Variants in TMEM132D observed in about 807,000 individuals in gnomAD.
TMEM132D encodes the protein transmembrane protein 132D, also known as mature OL transmembrane protein.
In TMEM132D, 21 loss-of-function variants were observed where a neutral mutation model predicts 62.3. That is an observed-to-expected ratio of 0.34 (90% CI 0.24 to 0.49). The LOEUF (loss-of-function observed/expected upper bound fraction) is 0.49, where lower values mean the gene tolerates loss of function less well. Among genes scored for constraint, TMEM132D ranks in the 20% least tolerant of loss-of-function variants. TMEM132D has a pLI of 0.99. For synonymous variants in TMEM132D, 621 were observed against 575.6 expected (o/e 1.08, Z -1.13); for missense variants, 1,346 against 1,402.8 (o/e 0.96, Z 0.65).
At chr12:129,155,978 C>T (rs556110718) in intron 5 of TMEM132D, among the ~76,000 whole-genome samples, 25 of 151,392 alleles carry the variant, frequency 1.7e-4, no homozygotes, top group Non-Finnish European at 3.1e-4. Flanking sequence ...ACTAACCCAT[C>T]CCCAAGATAA....
intron 5 of TMEM132D, among the ~76,000 whole-genome samples, chr12:129,098,162 A>G (rs1875175188): frequency 6.6e-6 from 1 of 152,250 alleles, no homozygotes; most frequent in African/African-American, 2.4e-5. Flanking sequence ...GAAAACCGTA[A>G]TAGCCAAGAC....
rs145247059 is a variant in TMEM132D, at chr12:129,122,189, C to T, written c.1444-37487G>A. Among the ~76,000 whole-genome samples, 764 of 152,328 alleles carry T rather than the reference C, an allele frequency of 5.0e-3. 6 individuals carry two copies. Among genetic ancestry groups the T allele is most frequent in the African/African-American group, 0.017 (722 of 41,562 alleles). ...CTGTAAATTTAGCATGTGGGCCACACGGCCTACTGCCCTTGCAGAGCTCAC... is the reference window on the plus strand; with the variant it reads ...CTGTAAATTTAGCATGTGGGCCACATGGCCTACTGCCCTTGCAGAGCTCAC... On this transcript the variant is annotated intron_variant, in intron 5 of 8. Coordinates refer to ENST00000422113, the MANE Select transcript of TMEM132D (RefSeq NM_133448.3).
intron 1 of TMEM132D, among the ~76,000 whole-genome samples, chr12:129,838,537 G>C (rs1873077816): frequency 1.3e-5 from 2 of 152,208 alleles, no homozygotes; most frequent in South Asian, 4.1e-4. Flanking sequence ...AGTAAGAAAA[G>C]ACAGGCTTAA....
intron 2 of TMEM132D, among the ~76,000 whole-genome samples, chr12:129,687,743 G>C (rs1474323894): frequency 6.6e-6 from 1 of 152,142 alleles, no homozygotes; most frequent in African/African-American, 2.4e-5. Flanking sequence ...GGTCTAGGGA[G>C]CAGTTTTGGG....
chr12:129,074,543 A>G lies in TMEM132D; in HGVS notation c.2632T>C (p.Leu878=), dbSNP rs2135603568. Reference sequence around the variant, plus strand: ...GTGAGGTCGCTGGGGATGGTCTGCAAGTGGCTGTTGTCATCTAAAAGGCTT... The same window carrying G: ...GTGAGGTCGCTGGGGATGGTCTGCAGGTGGCTGTTGTCATCTAAAAGGCTT... ...QESLLDDNSH[L]QTIPSDLTSF... Residue 878 remains leucine (L), a synonymous_variant, in exon 9 of 9, where the codon TTG becomes CTG. Transcript: ENST00000422113. The G allele has an allele frequency of 6.2e-7, 1 of 1,614,004 alleles. No homozygotes were observed. Among genetic ancestry groups the G allele is most frequent in the Non-Finnish European group, 8.5e-7 (1 of 1,180,014 alleles).
chr12:129,691,348 G>A (rs997019661), intron 2 of TMEM132D, among the ~76,000 whole-genome samples: 11 of 151,634 alleles, frequency 7.3e-5, no homozygotes, highest in African/African-American at 2.4e-4. Context: ...AAAAATCAAT[G>A]AAATTGAAAA....
intron 3 of TMEM132D, among the ~76,000 whole-genome samples, chr12:129,403,691 A>G (rs1871687511): frequency 6.6e-6 from 1 of 152,180 alleles, no homozygotes; most frequent in Admixed American, 6.5e-5. Context: ...GGCCCCTGCT[A>G]CAGACATTCT....
In TMEM132D at chr12:129,700,011, T is replaced by C. The variant is rs1171888830; in HGVS notation, c.767A>G (p.Asp256Gly). Residue 256 changes from aspartate to glycine, a missense_variant, in exon 2 of 9, where the codon GAC becomes GGC. Asp to Gly is a moderately conservative substitution (Grantham distance 94). Transcript: ENST00000422113. Reference sequence around the variant, plus strand: ...CAAGGGGGGCCCGGACTCATCGATGTCACTGTGGCCTGTCCGGATCCCATT... The same window carrying C: ...CAAGGGGGGCCCGGACTCATCGATGCCACTGTGGCCTGTCCGGATCCCATT... The part of the protein sequence containing the change: ...RSNGIRTGHS[D>G]IDESGPPLQR... The C allele has an allele frequency of 1.2e-6, 2 of 1,613,910 alleles. No individual in the cohort carries two copies. The highest frequency in any genetic ancestry group is 1.7e-5 in the Admixed American group (1 of 59,994).
At chr12:129,172,041 A>G (rs189272954) in intron 5 of TMEM132D, among the ~76,000 whole-genome samples, 1 of 152,302 alleles carries the variant, frequency 6.6e-6, no homozygotes. Flanking sequence ...CTTTCCCTGG[A>G]AGGTTGTTCT....
At position 129,540,831 on chromosome 12, in the gene TMEM132D, C is replaced by T. The variant is rs537859245; in HGVS notation, c.969-9626G>A. Among the ~76,000 whole-genome samples the T allele has an allele frequency of 2.0e-5, 3 of 152,262 alleles. No individual in the cohort carries two copies. The South Asian group carries it at 6.2e-4, about 32-fold the overall frequency. ...TAATTTCTTTGCAAAGATGGGGTCTCATTATGCTGCCCAGGCTGGGTCTCA... is the reference window on the plus strand; with the variant it reads ...TAATTTCTTTGCAAAGATGGGGTCTTATTATGCTGCCCAGGCTGGGTCTCA... On this transcript the variant is annotated intron_variant, in intron 2 of 8. Transcript: ENST00000422113.
At chr12:129,376,003 T>C (rs1870769170) in intron 3 of TMEM132D, among the ~76,000 whole-genome samples, 1 of 152,192 alleles carries the variant, frequency 6.6e-6, no homozygotes, top group Non-Finnish European at 1.5e-5. Flanking sequence ...AAACAAGTGG[T>C]GTTAAACATT....
chr12:129,743,836 G>C (rs1869686999), intron 1 of TMEM132D, among the ~76,000 whole-genome samples: 1 of 152,176 alleles, frequency 6.6e-6, no homozygotes, highest in Non-Finnish European at 1.5e-5. Flanking sequence ...GCTTGGAACA[G>C]GAGCAGCCTC....
intron 3 of TMEM132D, among the ~76,000 whole-genome samples, chr12:129,408,385 GT>G (rs1871859901): frequency 6.6e-6 from 1 of 150,430 alleles, no homozygotes; most frequent in African/African-American, 2.4e-5. Context: ...TTGAATGAGT[GT>G]CATATTGCAT....
intron 5 of TMEM132D, among the ~76,000 whole-genome samples, chr12:129,182,368 T>C (rs1431678323): frequency 1.3e-5 from 2 of 152,176 alleles, no homozygotes; most frequent in Non-Finnish European, 2.9e-5. Flanking sequence ...CATCTCAAAA[T>C]GAAAGAAAGT....
intron 5 of TMEM132D, among the ~76,000 whole-genome samples, chr12:129,140,542 A>G (rs761826940): frequency 3.9e-5 from 6 of 152,070 alleles, no homozygotes; most frequent in Non-Finnish European, 7.4e-5. Context: ...CACATTGCAT[A>G]GTGTTTCTGA....
chr12:129,350,588 G>A (rs576569434), intron 3 of TMEM132D, among the ~76,000 whole-genome samples: 1 of 152,294 alleles, frequency 6.6e-6, no homozygotes, highest in South Asian at 2.1e-4. Context: ...GGTATAAGTT[G>A]GAATCAGGCA....
chr12:129,154,595 G>A (rs1361255743), intron 5 of TMEM132D, among the ~76,000 whole-genome samples: 5 of 152,212 alleles, frequency 3.3e-5, no homozygotes, highest in Middle Eastern at 3.4e-3. Context: ...ACTTAATAAC[G>A]ATGATACTTA....
At chr12:129,548,061 A>G (rs958122225) in intron 2 of TMEM132D, among the ~76,000 whole-genome samples, 6 of 152,214 alleles carry the variant, frequency 3.9e-5, no homozygotes, top group African/African-American at 1.4e-4. Context: ...GAGTAGAGTC[A>G]GCCTGTGCTG....
At chr12:129,824,112 G>A (rs1872600399) in intron 1 of TMEM132D, among the ~76,000 whole-genome samples, 1 of 152,082 alleles carries the variant, frequency 6.6e-6, no homozygotes, top group South Asian at 2.1e-4. Context: ...AGCTATGGAG[G>A]GCTGCGCAAG....
Sources: gnomAD v4.1 joint callset for allele counts (sites outside exome capture counted in the v4.1 genomes callset) on GRCh38, gnomAD v4.1.1 for gene constraint, MANE v1.5 for transcripts, NCBI Gene and HGNC (gene_info 2026-07-23, HGNC 2026-07-21) for gene names.